Variants in CTNND1 observed in about 807,000 individuals in gnomAD.
The protein encoded by CTNND1 is catenin delta 1.
Under a neutral mutation model 112.1 loss-of-function variants are expected in CTNND1, and 16 were observed. That is an observed-to-expected ratio of 0.14 (90% CI 0.10 to 0.22). The LOEUF is 0.22. Ranked by LOEUF, CTNND1 falls within the 10% of genes least tolerant of loss-of-function variation. The probability of loss-of-function intolerance (pLI) is 1.00; values close to 1 mark genes in which losing one functional copy is unlikely to be tolerated. For synonymous variants in CTNND1, 420 were observed against 446.5 expected (o/e 0.94, Z 0.75); for missense variants, 1,008 against 1,257.0 (o/e 0.80, Z 3.00).
At position 57,803,567 on chromosome 11, in the gene CTNND1, T is replaced by C. The variant is rs2062282150; in HGVS notation, c.1421-54T>C. ...ATAGGGGGATTCTCTTTGACGTTCT[T>C]CAGACATATTGTCTTGAATGCTCAA... is the stretch of plus-strand genomic sequence containing the variant. On this transcript the variant is annotated intron_variant, in intron 7 of 20. Coordinates refer to ENST00000399050, the MANE Select transcript of CTNND1 (RefSeq NM_001085458.2). The C allele has an allele frequency of 2.1e-6, 3 of 1,401,538 alleles. No individual in the cohort carries two copies. In the Admixed American group the frequency reaches 6.2e-5, roughly 29 times the overall value. 86.8% of individuals were successfully genotyped at this position (1,401,538 alleles called of 1,614,324 possible).
At chr11:57,781,229 A>G (rs2136307341) in intron 1 of CTNND1, among the ~76,000 whole-genome samples, 1 of 152,238 alleles carries the variant, frequency 6.6e-6, no homozygotes, top group Non-Finnish European at 1.5e-5. Context: ...GAGCAACCGC[A>G]CCTGGCCGAG....
intron 16 of CTNND1, among the ~76,000 whole-genome samples, chr11:57,810,840 C>T (rs948591615): frequency 1.3e-5 from 2 of 151,734 alleles, no homozygotes; most frequent in East Asian, 3.9e-4. Context: ...GCCAGTAGTC[C>T]GAGCAACTCA....
chr11:57,806,141 G>A (rs981068718), intron 10 of CTNND1, 106 bp downstream of exon 10: 2 of 1,384,820 alleles, frequency 1.4e-6, no homozygotes, highest in Non-Finnish European at 1.9e-6. Flanking sequence ...GAGTCTGCCT[G>A]GTTATGGATG....
chr11:57,805,586 G>C (rs2062571621), intron 9 of CTNND1, among the ~76,000 whole-genome samples: 1 of 151,826 alleles, frequency 6.6e-6, no homozygotes, highest in Non-Finnish European at 1.5e-5. Flanking sequence ...GTATTTTAAA[G>C]CTGCTTAGCT....
chr11:57,800,567 C>A (rs1402523440), intron 6 of CTNND1, among the ~76,000 whole-genome samples: 1 of 152,144 alleles, frequency 6.6e-6, no homozygotes, highest in East Asian at 1.9e-4. Flanking sequence ...CATGCCTGGT[C>A]CTGTTTCCGT....
Position 57,795,594 on chromosome 11 carries a change from A to G in CTNND1, c.285A>G (p.Leu95=). The G allele has an allele frequency of 6.2e-7, 1 of 1,611,744 alleles. No individual in the cohort carries two copies. The highest frequency in any genetic ancestry group is 1.7e-4 in the Middle Eastern group (1 of 5,842). The stretch of plus-strand genomic sequence containing the variant: ...GCATATAGGATCACAGTCACCTTCT[A>G]TATAGCACCATCCCCAGGATGCAGG... ...LNGPQDHSHL[L]YSTIPRMQEP... is the part of the protein sequence containing the mutation. The change falls in exon 5 of 21, where the codon CTA becomes CTG. Residue 95 remains leucine, a synonymous_variant. Transcript: ENST00000399050.
At chr11:57,790,474 T>G (rs2060589632) in intron 2 of CTNND1, among the ~76,000 whole-genome samples, 1 of 114,602 alleles carries the variant, frequency 8.7e-6, no homozygotes. Context: ...ACCTCCGCTA[T>G]TCTCCTGCCT....
Position 57,806,976 on chromosome 11 carries a change from A to T in CTNND1, c.1956A>T (p.Pro652=). The T allele has an allele frequency of 1.3e-6, 2 of 1,596,406 alleles. No individual in the cohort carries two copies. Among genetic ancestry groups the T allele is most frequent in the Non-Finnish European group, 1.7e-6 (2 of 1,170,806 alleles). The change falls in exon 12 of 21, where the codon CCA becomes CCT. Residue 652 remains proline, a synonymous_variant. Coordinates refer to ENST00000399050, the MANE Select transcript of CTNND1 (RefSeq NM_001085458.2). ...DTVDFPKRTS[P]ARGYELLFQP... ...TGGATTTCCCTAAAAGAACGAGTCCAGCTCGAGGTAAGTTATCTTCTCAGT... is the reference window on the plus strand; with the variant it reads ...TGGATTTCCCTAAAAGAACGAGTCCTGCTCGAGGTAAGTTATCTTCTCAGT...
intron 17 of CTNND1, among the ~76,000 whole-genome samples, chr11:57,812,174 A>AT (rs2063439888): frequency 6.6e-6 from 1 of 152,206 alleles, no homozygotes; most frequent in Non-Finnish European, 1.5e-5. Flanking sequence ...TGTAGTCTTC[A>AT]TTGCCACTCA....
At chr11:57,799,017 G>C (rs1265373809) in intron 6 of CTNND1, among the ~76,000 whole-genome samples, 1 of 152,090 alleles carries the variant, frequency 6.6e-6, no homozygotes, top group African/African-American at 2.4e-5. Flanking sequence ...TCTCTATATG[G>C]GGTCATGACC....
At position 57,789,074 on chromosome 11, in the gene CTNND1, G is replaced by T. The variant is rs2136574199; in HGVS notation, c.-176G>T. 3 of 1,535,514 alleles carry T rather than the reference G, an allele frequency of 2.0e-6. No homozygotes were observed. Among genetic ancestry groups the T allele is most frequent in the Non-Finnish European group, 2.6e-6 (3 of 1,146,868 alleles). ...TGCTTCCTCCTTGCTGTGGTGGCTG[G>T]GATGCTTCTTCCATGATTTTTTGAA... On this transcript the variant is annotated 5_prime_UTR_variant, in exon 2 of 21. Coordinates refer to ENST00000399050, the MANE Select transcript of CTNND1 (RefSeq NM_001085458.2).
chr11:57,771,895 C>A (rs78259305), intron 1 of CTNND1, among the ~76,000 whole-genome samples: 1 of 151,396 alleles, frequency 6.6e-6, no homozygotes, highest in African/African-American at 2.4e-5. Flanking sequence ...TTAGAATAAG[C>A]TGATATGTTT....
intron 14 of CTNND1, 38 bp downstream of exon 14, chr11:57,808,578 G>A (rs375000716): frequency 3.5e-4 from 544 of 1,536,112 alleles, no homozygotes; most frequent in Middle Eastern, 5.3e-4. Context: ...TCAAAATTTA[G>A]TACAGTGTTT....
intron 1 of CTNND1, among the ~76,000 whole-genome samples, chr11:57,786,542 A>G (rs1385707492): frequency 1.3e-5 from 2 of 152,160 alleles, no homozygotes; most frequent in Non-Finnish European, 2.9e-5. Flanking sequence ...CAAAAAAATA[A>G]ATAAATAAAA....
At chr11:57,764,517 C>T (rs1950620327) in intron 1 of CTNND1, among the ~76,000 whole-genome samples, 1 of 151,940 alleles carries the variant, frequency 6.6e-6, no homozygotes, top group Admixed American at 6.6e-5. Context: ...TATAATTTAT[C>T]TCCTTCTATT....
chr11:57,769,247 G>A (rs898197885), intron 1 of CTNND1, among the ~76,000 whole-genome samples: 2 of 151,970 alleles, frequency 1.3e-5, no homozygotes, highest in South Asian at 4.2e-4. Context: ...CCCGGGACCC[G>A]GGAGGTGGAG....
rs376818834 is a variant in CTNND1, at chr11:57,789,562, C to T, written c.-95+407C>T. 5.3e-5 allele frequency among the ~76,000 whole-genome samples: 8 copies of T among 152,178 alleles called. No homozygotes were observed. The South Asian group carries it at 1.7e-3, about 32-fold the overall frequency. ...ACAAATAAAAGGGTAAAAAGATAGT[C>T]TATTTAAAACAAGAGTGTCCAATCT... is the stretch of plus-strand genomic sequence containing the variant. On this transcript the variant is annotated intron_variant, in intron 2 of 20. Transcript: ENST00000399050.
chr11:57,778,124 G>A (rs531765534), intron 1 of CTNND1, among the ~76,000 whole-genome samples: 2 of 152,158 alleles, frequency 1.3e-5, no homozygotes, highest in South Asian at 2.1e-4. Context: ...GCAATTCCTA[G>A]TGGTTGTCCT....
At chr11:57,768,486 C>T (rs1031075459) in intron 1 of CTNND1, among the ~76,000 whole-genome samples, 3 of 142,862 alleles carry the variant, frequency 2.1e-5, no homozygotes, top group Non-Finnish European at 4.5e-5. Context: ...CTCTGCCTCC[C>T]GGGTTCACGC....
Sources: gnomAD v4.1 joint callset for allele counts (sites outside exome capture counted in the v4.1 genomes callset) on GRCh38, gnomAD v4.1.1 for gene constraint, MANE v1.5 for transcripts, NCBI Gene and HGNC (gene_info 2026-07-23, HGNC 2026-07-21) for gene names.